The following TTN variants were observed in gnomAD, a reference collection of about 807,000 sequenced individuals.
The protein encoded by TTN is titin.
TTN carries 1,525 observed loss-of-function variants against 3,223.0 expected under a neutral mutation model. That is an observed-to-expected ratio of 0.47 (90% CI 0.45 to 0.49). The LOEUF is 0.49. Ranked by LOEUF, TTN falls within the 20% of genes least tolerant of loss-of-function variation. TTN has a pLI of 0.00. For missense variants in TTN, 40,786 were observed against 43,424.0 expected, an observed-to-expected ratio of 0.94 and a Z score of 5.40; for synonymous variants, 14,094 against 15,161.0, an observed-to-expected ratio of 0.93 and a Z score of 5.17.
chr2:178,697,180 A>T lies in TTN; in HGVS notation c.30755-12T>A. ...CTTCTTGACAATCTCTGGGAGTTTAAAAACATAAAAATGTGTGTTTATTTT... is the reference window on the plus strand; with the variant it reads ...CTTCTTGACAATCTCTGGGAGTTTATAAACATAAAAATGTGTGTTTATTTT... On this transcript the variant is annotated splice_polypyrimidine_tract_variant and intron_variant, in intron 112 of 362. Transcript: ENST00000589042. The T allele has an allele frequency of 6.6e-7, 1 of 1,514,438 alleles. No individual in the cohort carries two copies. The highest frequency in any genetic ancestry group is 1.3e-5 in the South Asian group (1 of 76,476). The allele number at this position is 1,514,438 out of a possible 1,614,324, so 93.8% of individuals were successfully genotyped here.
In TTN at chr2:178,573,924, G is replaced by A; in HGVS notation, c.72208C>T (p.Leu24070=). ...ATTTCTAACTTTGCTGTGCCTTCCA[G>A]CTCTTTTCCATCTTTGCTCCATTCC... The part of the protein sequence containing the change: ...TMEWSKDGKE[L]EGTAKLEIKI... Residue 24070 remains leucine (L), a synonymous_variant, in exon 326 of 363, where the codon CTG becomes TTG. Coordinates refer to ENST00000589042, the MANE Select transcript of TTN (RefSeq NM_001267550.2). 1.2e-6 allele frequency: 2 copies of A among 1,613,100 alleles called. No individual in the cohort carries two copies. The highest frequency in any genetic ancestry group is 2.2e-5 in the South Asian group (2 of 91,036).
At position 178,731,425 on chromosome 2, in the gene TTN, C is replaced by T. The variant is rs1400453149; in HGVS notation, c.17341G>A (p.Glu5781Lys). The T allele has an allele frequency of 6.2e-7, 1 of 1,613,660 alleles. No homozygotes were observed. The highest frequency in any genetic ancestry group is 2.2e-5 in the East Asian group (1 of 44,864). The change falls in exon 59 of 363, where the codon GAG (glutamate) becomes AAG (lysine). Residue 5781 changes from glutamate to lysine, a missense_variant. Coordinates refer to ENST00000589042, the MANE Select transcript of TTN (RefSeq NM_001267550.2). ...AGGTACAAACTGGCCACATTGTTCT[C>T]AAAGGTCATTCTTATATTATCGTCT... ...TEDDNIRMTFENNVASLYLSG... is the reference protein window; with the variant it reads ...TEDDNIRMTFKNNVASLYLSG...
Position 178,751,495 on chromosome 2 carries a change from C to T in TTN, c.11311+1629G>A, listed in dbSNP as rs2085490993. On this transcript the variant is annotated intron_variant, in intron 47 of 362. Coordinates refer to ENST00000589042, the MANE Select transcript of TTN (RefSeq NM_001267550.2). ...TGTTAAAGGGAGAGCCAGTAAACCT[C>T]AGGTCAACCTTTATCCTATCTTCTC... The T allele has an allele frequency of 6.2e-7, 1 of 1,613,374 alleles. No homozygotes were observed. Among genetic ancestry groups the T allele is most frequent in the Non-Finnish European group, 8.5e-7 (1 of 1,179,528 alleles).
At position 178,540,050 on chromosome 2, in the gene TTN, A is replaced by C; in HGVS notation, c.98098+18T>G. 1 of 1,594,962 alleles carries C rather than the reference A, an allele frequency of 6.3e-7. No homozygotes were observed. The highest frequency in any genetic ancestry group is 8.6e-7 in the Non-Finnish European group (1 of 1,168,958). On this transcript the variant is annotated intron_variant, in intron 351 of 362. Transcript: ENST00000589042. ...TCTATGGCAATTATTGCAGAAAGCA[A>C]ATGATCATATGTCTCACCAAGCATT...
At position 178,688,370 on chromosome 2, in the gene TTN, C is replaced by G. The variant is rs181081049; in HGVS notation, c.32198-146G>C. On this transcript the variant is annotated intron_variant, in intron 126 of 362. Transcript: ENST00000589042. ...CTTCCTCACTATAAGAAGGAGGAAG[C>G]TAATTTAAGATGAGGGCAAGTACAG... 141 of 752,196 alleles carry G rather than the reference C, an allele frequency of 1.9e-4. No individual in the cohort carries two copies. In the African/African-American group the frequency reaches 2.1e-3, roughly 11 times the overall value. The allele number at this position is 752,196 out of a possible 1,614,324, so 46.6% of individuals were successfully genotyped here.
Position 178,774,020 on chromosome 2 carries a change from C to A in TTN, c.7148G>T (p.Ser2383Ile). Residue 2383 changes from serine to isoleucine, a missense_variant, in exon 31 of 363, where the codon AGT becomes ATT. Physicochemically the swap from Ser to Ile is moderately radical, Grantham distance 142. Coordinates refer to ENST00000589042, the MANE Select transcript of TTN (RefSeq NM_001267550.2). ...VQLEVKVSLESVEGVWMKDGQ... is the reference protein window; with the variant it reads ...VQLEVKVSLEIVEGVWMKDGQ... ...GTCTTTCATCCAGACGCCTTCCACA[C>A]TTTCCAAGGAGACTTTAACTTCAAG... 6.2e-7 allele frequency: 1 copy of A among 1,614,134 alleles called. No individual in the cohort carries two copies. The highest frequency in any genetic ancestry group is 8.5e-7 in the Non-Finnish European group (1 of 1,179,996).
intron 43 of TTN, among the ~76,000 whole-genome samples, chr2:178,760,393 G>A (rs573993835): frequency 6.6e-6 from 1 of 152,220 alleles, no homozygotes; most frequent in African/African-American, 2.4e-5. Context: ...AGCCAGGTGT[G>A]GTGGCACACA....
chr2:178,720,135 A>G lies in TTN; in HGVS notation c.23507T>C (p.Ile7836Thr). Reference protein sequence around the residue: ...VVWLKDRGEVIRESENTRISF... With the variant: ...VVWLKDRGEVTRESENTRISF... The stretch of plus-strand genomic sequence containing the variant: ...AATCCTGGTATTTTCACTCTCTCTG[A>G]TGACTTCACCTCTATCTTTCAGCCA... Residue 7836 changes from isoleucine to threonine, a missense_variant, in exon 81 of 363, where the codon ATC becomes ACC. Coordinates refer to ENST00000589042, the MANE Select transcript of TTN (RefSeq NM_001267550.2). 1 of 1,613,786 alleles carries G rather than the reference A, an allele frequency of 6.2e-7. No homozygotes were observed. Among genetic ancestry groups the G allele is most frequent in the Non-Finnish European group, 8.5e-7 (1 of 1,179,718 alleles).
In TTN at chr2:178,562,878, T is replaced by C; in HGVS notation, c.83254A>G (p.Ser27752Gly). The C allele has an allele frequency of 3.1e-6, 5 of 1,613,268 alleles. No individual in the cohort carries two copies. Among genetic ancestry groups the C allele is most frequent in the Non-Finnish European group, 4.2e-6 (5 of 1,179,600 alleles). ...TTAACAAAAGCTGTTTTGGAGCCAC[T>C]ATTATTTTCTAATGTCAGATTATAC... is the stretch of plus-strand genomic sequence containing the variant. Reference protein sequence around the residue: ...GRYNLTLENNSGSKTAFVNVR... With the variant: ...GRYNLTLENNGGSKTAFVNVR... The change falls in exon 326 of 363, where the codon AGT becomes GGT. Residue 27752 changes from serine (S) to glycine (G), a missense_variant. Physicochemically the swap from Ser to Gly is moderately conservative, Grantham distance 56 (BLOSUM62 0). Transcript: ENST00000589042.
intron 151 of TTN, 51 bp downstream of exon 151, chr2:178,674,263 G>T: frequency 9.2e-7 from 1 of 1,091,822 alleles, no homozygotes; most frequent in Non-Finnish European, 1.4e-6. Context: ...TACTGAGAAA[G>T]ATTTGGAACA....
rs371745586 is a variant in TTN, at chr2:178,706,654, G to T, written c.29220C>A (p.Asn9740Lys). ...KWTKGKWRQL[N>K]QGGRVFIHQK... ...GGTGGATGAAAACACGACCTCCTTGGTTCAGCTGTCTCCACTTCCCTTTTG... is the reference window on the plus strand; with the variant it reads ...GGTGGATGAAAACACGACCTCCTTGTTTCAGCTGTCTCCACTTCCCTTTTG... The change falls in exon 102 of 363, where the codon AAC (asparagine) becomes AAA (lysine). Residue 9740 changes from asparagine to lysine, a missense_variant. Physicochemically the swap from Asn to Lys is moderately conservative, Grantham distance 94 (BLOSUM62 0). Coordinates refer to ENST00000589042, the MANE Select transcript of TTN (RefSeq NM_001267550.2). 13 of 1,613,728 alleles carry T rather than the reference G, an allele frequency of 8.1e-6. No individual in the cohort carries two copies. Among genetic ancestry groups the T allele is most frequent in the African/African-American group, 1.3e-5 (1 of 74,902 alleles).
chr2:178,683,099 C>A lies in TTN; in HGVS notation c.32887+112G>T, dbSNP rs922143854. The A allele has an allele frequency of 9.3e-6, 9 of 965,398 alleles. No individual in the cohort carries two copies. The African/African-American group carries it at 1.1e-4, about 12-fold the overall frequency. 59.8% of individuals were successfully genotyped at this position (965,398 alleles called of 1,614,324 possible). A position where few individuals can be genotyped will look rare whatever the true frequency, so the allele number is the denominator to read the frequency against. ...AATTGTGATTTCAAATGTTATATACCCTGCCCTTAATCAACAATAAGCTAA... is the reference window on the plus strand; with the variant it reads ...AATTGTGATTTCAAATGTTATATACACTGCCCTTAATCAACAATAAGCTAA... On this transcript the variant is annotated intron_variant, in intron 134 of 362. Coordinates refer to ENST00000589042, the MANE Select transcript of TTN (RefSeq NM_001267550.2).
Position 178,729,846 on chromosome 2 carries a change from C to T in TTN, c.18407G>A (p.Arg6136Gln), listed in dbSNP as rs117551279. 1.3e-4 allele frequency: 204 copies of T among 1,613,642 alleles called. No homozygotes were observed. The East Asian group carries it at 3.1e-3, about 25-fold the overall frequency. ...ATTCCCGTCTAGATACCAAGACACT[C>T]GGATTTTAGGAGTGCCTGTTATTTG... ...ECQITGTPKIRVSWYLDGNEI... is the reference protein window; with the variant it reads ...ECQITGTPKIQVSWYLDGNEI... Residue 6136 changes from arginine (R) to glutamine (Q), a missense_variant, in exon 63 of 363, where the codon CGA becomes CAA. By Grantham distance (43) the Arg-to-Gln change is conservative. Transcript: ENST00000589042.
At chr2:178,689,932 T>C in intron 121 of TTN, 36 bp from the exon 122 acceptor site, 2 of 1,551,742 alleles carry the variant, frequency 1.3e-6, no homozygotes, top group Non-Finnish European at 1.8e-6. Flanking sequence ...AGTTCAGACA[T>C]ATATCACTTT....
At position 178,571,098 on chromosome 2, in the gene TTN, G is replaced by A. The variant is rs368914555; in HGVS notation, c.75034C>T (p.Arg25012Trp). The A allele has an allele frequency of 4.1e-4, 661 of 1,613,314 alleles. 13 individuals are homozygous for A. In the South Asian group the frequency reaches 5.9e-3, roughly 15 times the overall value. The part of the protein sequence containing the change: ...VARDPCDPPG[R>W]PEAIIVTRNS... ...CTTGTGACAATGATTGCCTCTGGCC[G>A]TCCTGGTGGATCACATGGGTCACGA... Residue 25012 changes from arginine to tryptophan, a missense_variant, in exon 326 of 363, where the codon CGG becomes TGG. Coordinates refer to ENST00000589042, the MANE Select transcript of TTN (RefSeq NM_001267550.2).
intron 284 of TTN, 29 bp from the exon 285 acceptor site, chr2:178,601,943 G>C (rs370638000): frequency 2.7e-5 from 44 of 1,612,554 alleles, no homozygotes; most frequent in Non-Finnish European, 3.1e-5. Flanking sequence ...GTCAGTTGTA[G>C]TATAAATACT....
rs374479236 is a variant in TTN, at chr2:178,794,912, C to A, written c.1245+10G>T. ...TGAAATAAGGAAAAACAAAACCATT[C>A]TGACAGTACCTCTTTAGCACCAGTG... is the stretch of plus-strand genomic sequence containing the variant. On this transcript the variant is annotated intron_variant, in intron 7 of 362. Coordinates refer to ENST00000589042, the MANE Select transcript of TTN (RefSeq NM_001267550.2). The A allele has an allele frequency of 3.7e-6, 6 of 1,600,616 alleles. No individual in the cohort carries two copies. The highest frequency in any genetic ancestry group is 5.1e-6 in the Non-Finnish European group (6 of 1,179,914).
chr2:178,712,636 A>C (rs753382108), intron 94 of TTN, 43 bp from the exon 95 acceptor site: 6 of 1,607,054 alleles, frequency 3.7e-6, no homozygotes, highest in Non-Finnish European at 5.1e-6. Context: ...ACACATATAC[A>C]TACAGACAAA....
chr2:178,576,847 A>C lies in TTN; in HGVS notation c.69413-16T>G. On this transcript the variant is annotated splice_polypyrimidine_tract_variant and intron_variant, in intron 324 of 362. Coordinates refer to ENST00000589042, the MANE Select transcript of TTN (RefSeq NM_001267550.2). This position sits in a 1 kb window ranked among gnomAD's most constrained non-coding sequence, Gnocchi z 4.3. ...CCAGGGGGACCTGAAAAGGAAGCAA[A>C]TTTATTAGAAATCCATGATTTCCTA... 1.2e-6 allele frequency: 2 copies of C among 1,601,806 alleles called. No individual in the cohort carries two copies. Among genetic ancestry groups the C allele is most frequent in the Admixed American group, 3.5e-5 (2 of 56,382 alleles).
Sources: allele counts gnomAD v4.1 joint callset (sites outside exome capture counted in the v4.1 genomes callset), GRCh38; gene constraint gnomAD v4.1.1; non-coding constraint Gnocchi (gnomAD v3.1); transcripts MANE v1.5; gene names NCBI Gene and HGNC (gene_info 2026-07-23, HGNC 2026-07-21).